Variants in DMD observed in about 807,000 individuals in gnomAD.
DMD encodes mutant dystrophin.
In DMD, 63 loss-of-function variants were observed where a neutral mutation model predicts 330.1. That is an observed-to-expected ratio of 0.19 (90% confidence interval 0.16 to 0.24). The LOEUF is 0.24. DMD is among the 10% of genes least tolerant of loss of function. DMD has a pLI of 1.00. For synonymous variants in DMD, 1,223 were observed against 959.8 expected, an observed-to-expected ratio of 1.27 and a Z score of -5.07; for missense variants, 3,344 against 2,684.1, an observed-to-expected ratio of 1.25 and a Z score of -5.43.
chrX:32,835,337 T>C (rs1312029735), intron 4 of DMD, among the ~76,000 whole-genome samples: 1 of 112,340 alleles, frequency 8.9e-6, no homozygotes, highest in African/African-American at 3.2e-5. Flanking sequence ...AAGCTGTGGA[T>C]ACATTTTTAC....
chrX:32,077,368 C>T (rs1435373596), intron 44 of DMD, among the ~76,000 whole-genome samples: 1 of 110,935 alleles, frequency 9.0e-6, no homozygotes, highest in African/African-American at 3.3e-5. Context: ...AAGAAAACAT[C>T]CTATAATTGT....
rs1356364585 is a variant in DMD at position 32,145,243 on chromosome X, T to A, written c.6438+71673A>T. On this transcript the variant is annotated intron_variant, in intron 44 of 78. Transcript: ENST00000357033. Reference sequence around the variant, plus strand: ...AGAAATTTGCTGGAAGTGTTTTTGTTACTGTGAATAATAACACAATTTTTG... The same window carrying A: ...AGAAATTTGCTGGAAGTGTTTTTGTAACTGTGAATAATAACACAATTTTTG... 8.9e-5 allele frequency among the ~76,000 whole-genome samples: 10 copies of A among 112,351 alleles called. No individual in the cohort carries two copies. The Admixed American group carries it at 9.4e-4, about 11-fold the overall frequency.
chrX:32,155,661 T>C (rs1345166110), intron 44 of DMD, among the ~76,000 whole-genome samples: 3 of 111,570 alleles, frequency 2.7e-5, no homozygotes, highest in African/African-American at 9.8e-5. Context: ...TACAAAAAGA[T>C]AGGGCCTTTT....
At chrX:32,071,933 G>A (rs757002831) in intron 44 of DMD, among the ~76,000 whole-genome samples, 2 of 111,484 alleles carry the variant, frequency 1.8e-5, no homozygotes, top group Admixed American at 9.5e-5. Context: ...GTAATGCAAC[G>A]TGTTAGTAAT....
intron 43 of DMD, among the ~76,000 whole-genome samples, chrX:32,248,666 G>A (rs1193047246): frequency 9.2e-6 from 1 of 109,252 alleles, no homozygotes. Flanking sequence ...TAACTCCTTG[G>A]TTCTCAATAA....
intron 76 of DMD, among the ~76,000 whole-genome samples, chrX:31,139,474 T>TAC (rs57784155): frequency 0.2 from 19,688 of 98,282 alleles, 1,764 homozygotes; most frequent in Admixed American, 0.26. Context: ...GGTGTTTATA[T>TAC]ACACACACAC....
At chrX:32,901,358 T>C (rs1409239788) in intron 2 of DMD, among the ~76,000 whole-genome samples, 1 of 111,764 alleles carries the variant, frequency 8.9e-6, no homozygotes, top group East Asian at 2.8e-4. Context: ...TCTTTAAAAA[T>C]TTCAACACTT....
intron 11 of DMD, among the ~76,000 whole-genome samples, chrX:32,631,047 G>A (rs2058696289): frequency 8.9e-6 from 1 of 111,911 alleles, no homozygotes; most frequent in Non-Finnish European, 1.9e-5. Flanking sequence ...TATGCACTGG[G>A]GTGCACCCAA....
In DMD at chrX:32,127,657, G is replaced by T. The variant is rs182883344; in HGVS notation, c.6438+89259C>A. Among the ~76,000 whole-genome samples the T allele has an allele frequency of 7.3e-4, 82 of 111,615 alleles. No individual in the cohort carries two copies. In the East Asian group the frequency reaches 0.011, roughly 15 times the overall value. ...TCTGTTTTTACCTCTTTAATATCCAGCTGTGTTTATCTCTGACAATATATA... is the reference window on the plus strand; with the variant it reads ...TCTGTTTTTACCTCTTTAATATCCATCTGTGTTTATCTCTGACAATATATA... On this transcript the variant is annotated intron_variant, in intron 44 of 78. Transcript: ENST00000357033.
At chrX:31,358,862 G>A (rs1191648698) in intron 60 of DMD, among the ~76,000 whole-genome samples, 2 of 112,008 alleles carry the variant, frequency 1.8e-5, no homozygotes, top group East Asian at 2.8e-4. Context: ...GTTCAATAAC[G>A]TGGCTAACAT....
At chrX:32,069,092 G>A (rs1438270276) in intron 44 of DMD, among the ~76,000 whole-genome samples, 2 of 111,579 alleles carry the variant, frequency 1.8e-5, no homozygotes, top group South Asian at 3.7e-4. Context: ...TGGTGGAATC[G>A]TAGGCATGTA....
chrX:32,276,864 G>A (rs892460217), intron 43 of DMD, among the ~76,000 whole-genome samples: 7 of 110,397 alleles, frequency 6.3e-5, no homozygotes, highest in Admixed American at 9.7e-5. Context: ...AGGTTGCAGC[G>A]AACTGAGATC....
In DMD at chrX:32,219,085, C is replaced by A. The variant is rs372621589; in HGVS notation, c.6291-2022G>T. 4.5e-5 allele frequency among the ~76,000 whole-genome samples: 5 copies of A among 111,431 alleles called. No individual in the cohort carries two copies. The South Asian group carries it at 1.5e-3, about 33-fold the overall frequency. Reference sequence around the variant, plus strand: ...ATTTTGGTAGCATAAAAAAGGCAACCGAAGGTAGCCGAAGAGGTATTCTCT... The same window carrying A: ...ATTTTGGTAGCATAAAAAAGGCAACAGAAGGTAGCCGAAGAGGTATTCTCT... On this transcript the variant is annotated intron_variant, in intron 43 of 78. Transcript: ENST00000357033.
chrX:32,672,225 T>C (rs1050046538), intron 9 of DMD, among the ~76,000 whole-genome samples: 3 of 110,885 alleles, frequency 2.7e-5, no homozygotes, highest in South Asian at 7.5e-4. Context: ...TAAAGATGAC[T>C]TTGATTGATA....
At chrX:31,726,340 TATAG>T (rs1236580468) in intron 52 of DMD, among the ~76,000 whole-genome samples, 7 of 112,353 alleles carry the variant, frequency 6.2e-5, no homozygotes, top group Non-Finnish European at 1.1e-4. Flanking sequence ...AATAACTATG[TATAG>T]ATTTTCCCAA....
chrX:33,058,405 C>T (rs1485765796), intron 1 of DMD, among the ~76,000 whole-genome samples: 1 of 110,997 alleles, frequency 9.0e-6, no homozygotes, highest in African/African-American at 3.3e-5. Context: ...TCATCTCAGC[C>T]TCTGGAGTAG....
At chrX:32,669,527 T>A (rs1384333489) in intron 9 of DMD, among the ~76,000 whole-genome samples, 1 of 111,832 alleles carries the variant, frequency 8.9e-6, no homozygotes, top group South Asian at 3.7e-4. Flanking sequence ...TTGATTGTAC[T>A]TTTTTTCTCT....
At chrX:33,174,476 AC>A (rs1387639789) in intron 1 of DMD, among the ~76,000 whole-genome samples, 1 of 111,931 alleles carries the variant, frequency 8.9e-6, no homozygotes, top group East Asian at 2.8e-4. Context: ...TGTGGCATCT[AC>A]CCAAAATTGG....
rs550752479 is a variant in DMD at position 32,761,052 on chromosome X, T to A, written c.649+48441A>T. 4.5e-4 allele frequency among the ~76,000 whole-genome samples: 50 copies of A among 111,953 alleles called. 1 individual carries two copies. The South Asian group carries it at 0.019, about 42-fold the overall frequency. On this transcript the variant is annotated intron_variant, in intron 7 of 78. Coordinates refer to ENST00000357033, the MANE Select transcript of DMD (RefSeq NM_004006.3). ...CTCTCTCTCTCTCAAGTGATTGCAA[T>A]GCCTTTTTATTTGAACTCTTTGGAC...
Sources: gnomAD v4.1 joint callset for allele counts (sites outside exome capture counted in the v4.1 genomes callset) on GRCh38, gnomAD v4.1.1 for gene constraint, MANE v1.5 for transcripts, NCBI Gene and HGNC (gene_info 2026-07-23, HGNC 2026-07-21) for gene names.